Variants in IL1RAPL2 observed in about 807,000 individuals in gnomAD.
The protein encoded by IL1RAPL2 is interleukin 1 receptor accessory protein like 2.
A neutral mutation model predicts 44.1 loss-of-function variants in IL1RAPL2; 3 were observed. The observed-to-expected ratio is 0.07, with a 90% CI of 0.03 to 0.18. IL1RAPL2 has a LOEUF of 0.18. IL1RAPL2 is among the 10% of genes least tolerant of loss of function. The pLI is 1.00. For missense variants in IL1RAPL2, 391 were observed against 496.4 expected (o/e 0.79, Z 2.02); for synonymous variants, 181 against 178.8 (o/e 1.01, Z -0.10).
chrX:105,278,373 G>A (rs1430465350), intron 5 of IL1RAPL2, among the ~76,000 whole-genome samples: 1 of 111,503 alleles, frequency 9.0e-6, no homozygotes, highest in Non-Finnish European at 1.9e-5. Context: ...GGGTTACACT[G>A]TGACTCCTAG....
At chrX:105,608,122 C>T (rs2037309206) in intron 6 of IL1RAPL2, among the ~76,000 whole-genome samples, 1 of 110,574 alleles carries the variant, frequency 9.0e-6, no homozygotes, top group South Asian at 3.8e-4. Context: ...GGAGGAGAAA[C>T]CTCTTATATG....
rs782778489 is a variant in IL1RAPL2, at chrX:105,218,960, G to A, written c.357-14858G>A. ...TGCTTCGGTTCTATTTTGCATTTCT[G>A]CACTCAATGAGGTTTTTGCAGCCAG... On this transcript the variant is annotated intron_variant, in intron 3 of 10. Coordinates refer to ENST00000372582, the MANE Select transcript of IL1RAPL2 (RefSeq NM_017416.2). 26 of 1,196,896 alleles carry A rather than the reference G, an allele frequency of 2.2e-5. No homozygotes were observed. The South Asian group carries it at 4.7e-4, about 21-fold the overall frequency.
intron 2 of IL1RAPL2, among the ~76,000 whole-genome samples, chrX:104,773,875 C>T (rs1412486420): frequency 8.9e-6 from 1 of 111,905 alleles, no homozygotes; most frequent in Non-Finnish European, 1.9e-5. Context: ...CTTAAGGGTT[C>T]TGTTTTCTGT....
At chrX:105,084,028 G>C (rs952603491) in intron 2 of IL1RAPL2, among the ~76,000 whole-genome samples, 1 of 112,491 alleles carries the variant, frequency 8.9e-6, no homozygotes, top group Non-Finnish European at 1.9e-5. Context: ...GGGCCTGCGG[G>C]AGCACAGAAG....
At chrX:105,445,564 C>T (rs1279686580) in intron 5 of IL1RAPL2, among the ~76,000 whole-genome samples, 1 of 110,562 alleles carries the variant, frequency 9.0e-6, no homozygotes, top group Admixed American at 9.7e-5. Context: ...TTTGCTATAT[C>T]CCATAGGTTT....
intron 2 of IL1RAPL2, among the ~76,000 whole-genome samples, chrX:105,019,511 C>T (rs931030719): frequency 9.0e-6 from 1 of 111,413 alleles, no homozygotes; most frequent in Non-Finnish European, 1.9e-5. Context: ...ATATCCAACC[C>T]TCATAATCAG....
chrX:105,361,165 A>G (rs1414580636), intron 5 of IL1RAPL2, among the ~76,000 whole-genome samples: 1 of 111,325 alleles, frequency 9.0e-6, no homozygotes, highest in Non-Finnish European at 1.9e-5. Flanking sequence ...AATTTACAAA[A>G]ATAAATAGAA....
chrX:105,185,414 TAAAG>T (rs1357718044), intron 2 of IL1RAPL2, among the ~76,000 whole-genome samples: 8 of 112,032 alleles, frequency 7.1e-5, no homozygotes, highest in African/African-American at 2.6e-4. Context: ...TAAAAAATAA[TAAAG>T]AAAATCACCA....
intron 2 of IL1RAPL2, among the ~76,000 whole-genome samples, chrX:104,690,431 T>G (rs1374266465): frequency 1.8e-5 from 2 of 112,339 alleles, no homozygotes; most frequent in Non-Finnish European, 3.8e-5. Context: ...ATGACTATAC[T>G]TCAAACAGGA....
At chrX:105,650,443 T>C (rs1285615901) in intron 6 of IL1RAPL2, among the ~76,000 whole-genome samples, 2 of 111,850 alleles carry the variant, frequency 1.8e-5, no homozygotes, top group Non-Finnish European at 3.8e-5. Context: ...TGACCAGGGT[T>C]CCTGGGACTC....
rs1383061213 is a variant in IL1RAPL2 at position 105,202,947 on chromosome X, T to A, written c.356+7199T>A. On this transcript the variant is annotated intron_variant, in intron 3 of 10. Transcript: ENST00000372582. ...GCTACCAGGTAGTTTTATTTTATAT[T>A]CTTAGACCATTCAGTCTCCCATCTG... Among the ~76,000 whole-genome samples the A allele has an allele frequency of 2.7e-5, 3 of 111,810 alleles. No individual in the cohort carries two copies. In the Admixed American group the frequency reaches 2.9e-4, roughly 11 times the overall value.
intron 6 of IL1RAPL2, among the ~76,000 whole-genome samples, chrX:105,696,089 C>G (rs1037635120): frequency 1.8e-5 from 2 of 112,196 alleles, no homozygotes; most frequent in Non-Finnish European, 3.8e-5. Flanking sequence ...TGCTAATATT[C>G]AGTATGTACT....
At chrX:105,154,774 A>G (rs2033256128) in intron 2 of IL1RAPL2, among the ~76,000 whole-genome samples, 1 of 110,595 alleles carries the variant, frequency 9.0e-6, no homozygotes, top group South Asian at 3.9e-4. Context: ...GCTCCAGTGA[A>G]TACCTCTGAG....
chrX:105,217,196 T>G, intron 3 of IL1RAPL2, among the ~76,000 whole-genome samples: 1 of 108,744 alleles, frequency 9.2e-6, no homozygotes, highest in Non-Finnish European at 1.9e-5. Flanking sequence ...ATTTTTGCAA[T>G]CTACTCATCT....
chrX:104,806,299 A>C (rs752432421), intron 2 of IL1RAPL2, among the ~76,000 whole-genome samples: 1 of 112,324 alleles, frequency 8.9e-6, no homozygotes, highest in Non-Finnish European at 1.9e-5. Context: ...TGTTGTATCA[A>C]AGCTACTTAC....
At chrX:104,894,551 G>T (rs779417161) in intron 2 of IL1RAPL2, among the ~76,000 whole-genome samples, 1 of 111,339 alleles carries the variant, frequency 9.0e-6, no homozygotes, top group South Asian at 3.8e-4. Context: ...TTCCATCACT[G>T]ATATCTTTTC....
chrX:105,395,663 G>A (rs1964901096), intron 5 of IL1RAPL2, among the ~76,000 whole-genome samples: 1 of 111,256 alleles, frequency 9.0e-6, no homozygotes, highest in Admixed American at 9.6e-5. Context: ...GTCCGAAATT[G>A]AGCTCATCAC....
intron 2 of IL1RAPL2, among the ~76,000 whole-genome samples, chrX:104,855,680 C>CTTTTTTTTTTTTTTT (rs1304044009): frequency 5.6e-5 from 3 of 53,778 alleles, no homozygotes; most frequent in African/African-American, 1.9e-4. Flanking sequence ...GATCTGGATC[C>CTTTTTTTTTTTTTTT]GTTTTTTTTT....
At chrX:105,194,469 A>T (rs979262251) in intron 2 of IL1RAPL2, among the ~76,000 whole-genome samples, 1 of 112,367 alleles carries the variant, frequency 8.9e-6, no homozygotes, top group Non-Finnish European at 1.9e-5. Flanking sequence ...TATGCTAATT[A>T]TATTGACCAG....
Sources: allele counts gnomAD v4.1 joint callset (sites outside exome capture counted in the v4.1 genomes callset), GRCh38; gene constraint gnomAD v4.1.1; transcripts MANE v1.5; gene names NCBI Gene and HGNC (gene_info 2026-07-23, HGNC 2026-07-21).